The following CACNA2D3 variants were observed in gnomAD, a reference collection of about 807,000 sequenced individuals.
The protein encoded by CACNA2D3 is voltage-dependent calcium channel subunit alpha-2/delta-3.
In CACNA2D3, 60 loss-of-function variants were observed where a neutral mutation model predicts 160.6. That is an observed-to-expected ratio of 0.37 (90% CI 0.30 to 0.46). The LOEUF (loss-of-function observed/expected upper bound fraction) is 0.46, where lower values mean the gene tolerates loss of function less well. CACNA2D3 is among the 20% of genes least tolerant of loss of function. The probability of loss-of-function intolerance (pLI) is 1.00; values close to 1 mark genes in which losing one functional copy is unlikely to be tolerated. For synonymous variants in CACNA2D3, 558 were observed against 492.9 expected (o/e 1.13, Z -1.75); for missense variants, 1,205 against 1,365.0 (o/e 0.88, Z 1.85).
At chr3:54,763,758 C>CATATTGTGTATATATGTGCATATATAT (rs1559573595) in intron 12 of CACNA2D3, among the ~76,000 whole-genome samples, 1 of 28,588 alleles carries the variant, frequency 3.5e-5, no homozygotes, top group Non-Finnish European at 9.5e-5. Context: ...CATATATATA[C>CATATTGTGTATATATGTGCATATATAT]ACATATATAT....
At position 54,153,548 on chromosome 3, in the gene CACNA2D3, T is replaced by G. The variant is rs1249402195; in HGVS notation, c.204+29954T>G. ...AAAGACAAATGTGGCCTCAGGGAATTGAGTTTGGGAGGAGAACTGGATGGA... is the reference window on the plus strand; with the variant it reads ...AAAGACAAATGTGGCCTCAGGGAATGGAGTTTGGGAGGAGAACTGGATGGA... On this transcript the variant is annotated intron_variant, in intron 2 of 37. Transcript: ENST00000474759. Among the ~76,000 whole-genome samples, 3 of 152,160 alleles carry G rather than the reference T, an allele frequency of 2.0e-5. No homozygotes were observed. In the East Asian group the frequency reaches 5.8e-4, roughly 29 times the overall value.
intron 27 of CACNA2D3, among the ~76,000 whole-genome samples, chr3:54,935,605 T>C (rs1701308170): frequency 6.6e-6 from 1 of 152,200 alleles, no homozygotes; most frequent in African/African-American, 2.4e-5. Context: ...TTCATGTTCA[T>C]GTTTGATTGT....
chr3:54,830,784 A>G (rs1233569954), intron 14 of CACNA2D3, among the ~76,000 whole-genome samples: 3 of 151,914 alleles, frequency 2.0e-5, no homozygotes, highest in Admixed American at 2.0e-4. Context: ...GCCCCTAAAT[A>G]TATTTTTGTT....
At chr3:54,580,589 C>T (rs1027797550) in intron 8 of CACNA2D3, among the ~76,000 whole-genome samples, 1 of 152,156 alleles carries the variant, frequency 6.6e-6, no homozygotes, top group Non-Finnish European at 1.5e-5. Context: ...AGTAGATATA[C>T]CATAACGCTG....
intron 5 of CACNA2D3, among the ~76,000 whole-genome samples, chr3:54,519,648 T>G (rs977373749): frequency 6.6e-6 from 1 of 152,216 alleles, no homozygotes; most frequent in African/African-American, 2.4e-5. Flanking sequence ...GTAGGAGATA[T>G]GTAATATACT....
intron 2 of CACNA2D3, among the ~76,000 whole-genome samples, chr3:54,220,212 C>G (rs1455941278): frequency 2.0e-5 from 3 of 152,064 alleles, no homozygotes; most frequent in Non-Finnish European, 4.4e-5. Context: ...AGTCGGTCTG[C>G]TCTGATAGCA....
intron 11 of CACNA2D3, among the ~76,000 whole-genome samples, chr3:54,682,004 G>T (rs1700360057): frequency 6.6e-6 from 1 of 152,004 alleles, no homozygotes; most frequent in Admixed American, 6.5e-5. Flanking sequence ...GCTTTTAATT[G>T]GTGAACAACT....
chr3:54,822,782 C>CTTTCTTTCTTTCT (rs1703648479), intron 14 of CACNA2D3, among the ~76,000 whole-genome samples: 1 of 77,556 alleles, frequency 1.3e-5, no homozygotes, highest in African/African-American at 5.4e-5. Flanking sequence ...TTCTTTCTTT[C>CTTTCTTTCTTTCT]TTTCTTTCCT....
At chr3:54,990,625 A>G (rs1417777357) in intron 31 of CACNA2D3, among the ~76,000 whole-genome samples, 2 of 152,238 alleles carry the variant, frequency 1.3e-5, no homozygotes, top group African/African-American at 2.4e-5. Context: ...AGAGGAGAGC[A>G]CTACCTCCCT....
chr3:54,251,175 A>G (rs1410001401), intron 2 of CACNA2D3, among the ~76,000 whole-genome samples: 1 of 152,132 alleles, frequency 6.6e-6, no homozygotes, highest in East Asian at 1.9e-4. Flanking sequence ...CATGACACTG[A>G]TCTTGCTCCA....
At chr3:54,845,278 C>T (rs1004976303) in intron 16 of CACNA2D3, among the ~76,000 whole-genome samples, 5 of 152,160 alleles carry the variant, frequency 3.3e-5, no homozygotes, top group Non-Finnish European at 7.3e-5. Flanking sequence ...ATCACCTTGA[C>T]GTTAAGCTAA....
intron 9 of CACNA2D3, among the ~76,000 whole-genome samples, chr3:54,620,329 C>T (rs1029901659): frequency 9.9e-5 from 15 of 152,122 alleles, no homozygotes; most frequent in African/African-American, 3.1e-4. Context: ...CCAGTGAGCT[C>T]GAGCTACCTG....
rs140893233 is a variant in CACNA2D3 at position 54,436,369 on chromosome 3, G to T, written c.381+49595G>T. ...TTCAACCATTGTGGAAGACAGTGTGGTTATTCCTCAGGGATCTAGAACCAG... is the reference window on the plus strand; with the variant it reads ...TTCAACCATTGTGGAAGACAGTGTGTTTATTCCTCAGGGATCTAGAACCAG... On this transcript the variant is annotated intron_variant, in intron 4 of 37. Coordinates refer to ENST00000474759, the MANE Select transcript of CACNA2D3 (RefSeq NM_018398.3). 6.7e-3 allele frequency among the ~76,000 whole-genome samples: 1,025 copies of T among 152,294 alleles called. 13 individuals carry two copies. The highest frequency in any genetic ancestry group is 0.024 in the African/African-American group (980 of 41,546).
intron 2 of CACNA2D3, among the ~76,000 whole-genome samples, chr3:54,268,264 G>A (rs1702557129): frequency 6.6e-6 from 1 of 152,154 alleles, no homozygotes; most frequent in South Asian, 2.1e-4. Context: ...GGCCATTCAG[G>A]GGTCGTTCGA....
Position 54,992,664 on chromosome 3 carries a change from C to T in CACNA2D3, c.2690+4911C>T, listed in dbSNP as rs74495026. ...TGAGGTCAGCTTCTTGGATTATCTT[C>T]TTGTCCCTGCATCCTCCCCTTAGGG... On this transcript the variant is annotated intron_variant, in intron 31 of 37. Coordinates refer to ENST00000474759, the MANE Select transcript of CACNA2D3 (RefSeq NM_018398.3). Among the ~76,000 whole-genome samples, 761 of 152,050 alleles carry T rather than the reference C, an allele frequency of 5.0e-3. 6 individuals carry two copies. The highest frequency in any genetic ancestry group is 0.017 in the African/African-American group (722 of 41,466).
At chr3:54,299,610 G>A (rs1178941130) in intron 2 of CACNA2D3, among the ~76,000 whole-genome samples, 3 of 152,082 alleles carry the variant, frequency 2.0e-5, no homozygotes, top group East Asian at 1.9e-4. Context: ...GAGAGCCCAC[G>A]GAACACAAAA....
At chr3:55,005,415 A>T (rs1703073857) in intron 32 of CACNA2D3, among the ~76,000 whole-genome samples, 1 of 152,220 alleles carries the variant, frequency 6.6e-6, no homozygotes, top group South Asian at 2.1e-4. Context: ...TGACAGATGG[A>T]AAAAGGGAGA....
intron 11 of CACNA2D3, among the ~76,000 whole-genome samples, chr3:54,685,478 T>C (rs1412599638): frequency 6.6e-6 from 1 of 152,156 alleles, no homozygotes. Flanking sequence ...ATCCCTGGAG[T>C]GAATCAGTCA....
At chr3:54,990,677 G>A (rs890485478) in intron 31 of CACNA2D3, among the ~76,000 whole-genome samples, 4 of 152,126 alleles carry the variant, frequency 2.6e-5, no homozygotes, top group African/African-American at 9.7e-5. Context: ...TCATTTTGCT[G>A]CCTCTCTCCA....
Sources: gnomAD v4.1 joint callset for allele counts (sites outside exome capture counted in the v4.1 genomes callset) on GRCh38, gnomAD v4.1.1 for gene constraint, MANE v1.5 for transcripts, NCBI Gene and HGNC (gene_info 2026-07-23, HGNC 2026-07-21) for gene names.